HS6ST2: variants seen among roughly 807,000 people sequenced by gnomAD.
HS6ST2 encodes heparan-sulfate 6-O-sulfotransferase 2.
A neutral mutation model predicts 33.0 loss-of-function variants in HS6ST2; 17 were observed. That is an observed-to-expected ratio of 0.52 (90% confidence interval 0.35 to 0.77). The LOEUF (loss-of-function observed/expected upper bound fraction) is 0.77, where lower values mean the gene tolerates loss of function less well. Among genes scored for constraint, HS6ST2 ranks in the 30% least tolerant of loss-of-function variants. The pLI is 0.01. For synonymous variants in HS6ST2, 248 were observed against 237.1 expected (o/e 1.05, Z -0.42); for missense variants, 519 against 551.7 (o/e 0.94, Z 0.59).
chrX:132,822,886 C>T (rs1298155472), intron 2 of HS6ST2, among the ~76,000 whole-genome samples: 2 of 112,127 alleles, frequency 1.8e-5, no homozygotes, highest in African/African-American at 6.5e-5. Flanking sequence ...CTGGAAGGAA[C>T]AGGGGCTGAC....
intron 3 of HS6ST2, among the ~76,000 whole-genome samples, chrX:132,700,680 G>A (rs1212974794): frequency 9.1e-6 from 1 of 110,011 alleles, no homozygotes; most frequent in Non-Finnish European, 1.9e-5. Flanking sequence ...CCTGGAAAGA[G>A]ACTCAAAGTA....
At position 132,743,288 on chromosome X, in the gene HS6ST2, C is replaced by A. The variant is rs766813759; in HGVS notation, c.948-34794G>T. On this transcript the variant is annotated intron_variant, in intron 2 of 4. Coordinates refer to ENST00000370833, the MANE Select transcript of HS6ST2 (RefSeq NM_001394073.1). ...AATAGGACCTTGGGGCTTTCATTGA[C>A]GGGAAGCTCTGCATAAGCAAACAGG... Among the ~76,000 whole-genome samples, 14 of 112,019 alleles carry A rather than the reference C, an allele frequency of 1.2e-4. No individual in the cohort carries two copies. In the South Asian group the frequency reaches 5.3e-3, roughly 42 times the overall value.
chrX:132,841,015 A>G (rs1422616240), intron 2 of HS6ST2, among the ~76,000 whole-genome samples: 1 of 112,284 alleles, frequency 8.9e-6, no homozygotes, highest in African/African-American at 3.2e-5. Flanking sequence ...AATTCTAGTT[A>G]CAAGTGGTGA....
chrX:132,719,511 G>A (rs989318664), intron 2 of HS6ST2, among the ~76,000 whole-genome samples: 2 of 111,786 alleles, frequency 1.8e-5, no homozygotes, highest in Admixed American at 9.5e-5. Flanking sequence ...CCTTTTACAC[G>A]TGAGGAAATC....
At chrX:132,863,257 A>C (rs954130816) in intron 2 of HS6ST2, among the ~76,000 whole-genome samples, 1 of 111,629 alleles carries the variant, frequency 9.0e-6, no homozygotes, top group African/African-American at 3.3e-5. Context: ...AAATAAACAA[A>C]CTATCACGTT....
intron 2 of HS6ST2, among the ~76,000 whole-genome samples, chrX:132,894,872 G>C (rs917729587): frequency 8.9e-5 from 10 of 111,918 alleles, no homozygotes; most frequent in Non-Finnish European, 1.5e-4. Flanking sequence ...GGAAAGTCAC[G>C]TACTTCATTT....
intron 2 of HS6ST2, among the ~76,000 whole-genome samples, chrX:132,825,177 A>G (rs1245176369): frequency 9.0e-6 from 1 of 111,459 alleles, no homozygotes; most frequent in African/African-American, 3.3e-5. Context: ...TTTCTGTTCT[A>G]TAAGAACAGG....
chrX:132,823,212 T>C (rs1479594044), intron 2 of HS6ST2, among the ~76,000 whole-genome samples: 1 of 112,412 alleles, frequency 8.9e-6, no homozygotes, highest in Non-Finnish European at 1.9e-5. Context: ...GGGACTAACC[T>C]ATGTTATGAA....
chrX:132,767,054 T>C (rs960062175), intron 2 of HS6ST2, among the ~76,000 whole-genome samples: 2 of 111,791 alleles, frequency 1.8e-5, no homozygotes, highest in African/African-American at 6.5e-5. Context: ...TAGCAGTCCA[T>C]GCAAGATCAG....
intron 4 of HS6ST2, among the ~76,000 whole-genome samples, chrX:132,630,971 G>A (rs1388633307): frequency 1.8e-5 from 2 of 111,391 alleles, no homozygotes; most frequent in East Asian, 2.8e-4. Context: ...CCCCAAAAAT[G>A]TGTGATACTG....
chrX:132,725,362 A>G (rs1602614194), intron 2 of HS6ST2, among the ~76,000 whole-genome samples: 1 of 112,267 alleles, frequency 8.9e-6, no homozygotes, highest in Non-Finnish European at 1.9e-5. Flanking sequence ...CAAAAGATTT[A>G]AACAGACATT....
intron 2 of HS6ST2, among the ~76,000 whole-genome samples, chrX:132,905,982 T>C (rs1377648773): frequency 9.0e-6 from 1 of 111,076 alleles, no homozygotes; most frequent in Non-Finnish European, 1.9e-5. Context: ...GCCGAGATCA[T>C]GCCACTGCAT....
At chrX:132,872,004 A>C (rs2066064962) in intron 2 of HS6ST2, among the ~76,000 whole-genome samples, 1 of 111,627 alleles carries the variant, frequency 9.0e-6, no homozygotes, top group African/African-American at 3.3e-5. Context: ...CAAATGTGTT[A>C]AGCTCTAGCC....
chrX:132,633,141 A>G (rs1465798189), intron 4 of HS6ST2, among the ~76,000 whole-genome samples: 1 of 108,848 alleles, frequency 9.2e-6, no homozygotes, highest in Non-Finnish European at 1.9e-5. Flanking sequence ...AAGGATCAGC[A>G]TGAGCAGAGG....
intron 2 of HS6ST2, among the ~76,000 whole-genome samples, chrX:132,760,399 A>G (rs1433819070): frequency 9.0e-6 from 1 of 111,109 alleles, no homozygotes; most frequent in Non-Finnish European, 1.9e-5. Flanking sequence ...TGTTTTTATA[A>G]GGAACTTTTC....
chrX:132,641,637 C>T (rs1384072526), intron 4 of HS6ST2, among the ~76,000 whole-genome samples: 2 of 112,914 alleles, frequency 1.8e-5, no homozygotes, highest in South Asian at 3.6e-4. Context: ...TTCTCATTTA[C>T]AATGCATGAA....
intron 2 of HS6ST2, among the ~76,000 whole-genome samples, chrX:132,740,198 T>C (rs2064556938): frequency 8.9e-6 from 1 of 112,707 alleles, no homozygotes; most frequent in Non-Finnish European, 1.9e-5. Flanking sequence ...CAATTTTATA[T>C]GCAAAAATAA....
chrX:132,767,052 C>G (rs2064855190), intron 2 of HS6ST2, among the ~76,000 whole-genome samples: 1 of 111,691 alleles, frequency 9.0e-6, no homozygotes, highest in African/African-American at 3.3e-5. Context: ...TATAGCAGTC[C>G]ATGCAAGATC....
intron 2 of HS6ST2, among the ~76,000 whole-genome samples, chrX:132,860,777 CTTTTTT>C (rs58059164): frequency 3.8e-5 from 2 of 52,896 alleles, no homozygotes; most frequent in Non-Finnish European, 6.5e-5. Flanking sequence ...GCATGTGTAT[CTTTTTT>C]TTTTTTTTTT....
Sources: gnomAD v4.1 joint callset for allele counts (sites outside exome capture counted in the v4.1 genomes callset) on GRCh38, gnomAD v4.1.1 for gene constraint, MANE v1.5 for transcripts, NCBI Gene and HGNC (gene_info 2026-07-23, HGNC 2026-07-21) for gene names.